The following CCDC7 variants were observed in gnomAD, a reference collection of about 807,000 sequenced individuals.
The protein encoded by CCDC7 is coiled-coil domain containing 7, also known as coiled-coil domain-containing protein 7.
In CCDC7, 183 loss-of-function variants were observed where a neutral mutation model predicts 196.9. The ratio of observed to expected loss-of-function variants is 0.93; its 90% CI spans 0.82 to 1.05. The LOEUF (loss-of-function observed/expected upper bound fraction) is 1.05, where lower values mean the gene tolerates loss of function less well. CCDC7 is among the 50% of genes least tolerant of loss of function. CCDC7 has a pLI of 0.00. For synonymous variants in CCDC7, 525 were observed against 484.6 expected (o/e 1.08, Z -1.10); for missense variants, 1,540 against 1,482.2 (o/e 1.04, Z -0.64).
At chr10:32,534,290 T>C (rs765044274) in intron 11 of CCDC7, among the ~76,000 whole-genome samples, 12 of 152,184 alleles carry the variant, frequency 7.9e-5, no homozygotes, top group Non-Finnish European at 1.6e-4. Flanking sequence ...ATTTATCTGG[T>C]ATATTTCTGA....
At chr10:32,611,748 C>T (rs2062165286) in intron 18 of CCDC7, among the ~76,000 whole-genome samples, 1 of 152,080 alleles carries the variant, frequency 6.6e-6, no homozygotes, top group Non-Finnish European at 1.5e-5. Flanking sequence ...GGCATTATTT[C>T]TGAGGCCTGT....
chr10:32,672,695 T>A (rs1342218367), intron 21 of CCDC7, among the ~76,000 whole-genome samples: 2 of 152,176 alleles, frequency 1.3e-5, no homozygotes, highest in African/African-American at 4.8e-5. Context: ...GCAGCATGGC[T>A]GATGCCCATA....
In CCDC7 at chr10:32,805,110, T is replaced by C; in HGVS notation, c.3097+12T>C. 6.4e-7 allele frequency: 1 copy of C among 1,554,356 alleles called. No homozygotes were observed. Among genetic ancestry groups the C allele is most frequent in the Non-Finnish European group, 8.9e-7 (1 of 1,127,242 alleles). On this transcript the variant is annotated intron_variant, in intron 30 of 41. Coordinates refer to ENST00000639629, the Ensembl canonical transcript of CCDC7. Reference sequence around the variant, plus strand: ...AAAGAGTTTCCCTGGTAAGAAAATATTTTTAAGTCTAATATTTCTCATTTA... The same window carrying C: ...AAAGAGTTTCCCTGGTAAGAAAATACTTTTAAGTCTAATATTTCTCATTTA...
chr10:32,726,734 T>C lies in CCDC7; in HGVS notation c.2570T>C (p.Ile857Thr), dbSNP rs1483559510. The change falls in exon 26 of 42, where the codon ATA becomes ACA. Residue 857 changes from isoleucine to threonine, a missense_variant and splice_region_variant. Transcript: ENST00000639629. Reference sequence around the variant, plus strand: ...TCTCTTTATGTGGTTCATTTTGTAGTACCAGATAAAAATTCTATGTTTGTT... The same window carrying C: ...TCTCTTTATGTGGTTCATTTTGTAGCACCAGATAAAAATTCTATGTTTGTT... 5 of 1,552,858 alleles carry C rather than the reference T, an allele frequency of 3.2e-6. No individual in the cohort carries two copies. In the East Asian group the frequency reaches 1.1e-4, roughly 35 times the overall value.
chr10:32,780,986 C>T (rs1250231944), intron 29 of CCDC7, among the ~76,000 whole-genome samples: 1 of 152,052 alleles, frequency 6.6e-6, no homozygotes, highest in Non-Finnish European at 1.5e-5. Context: ...GGGAACATTA[C>T]AACCAATTTT....
Position 32,480,621 on chromosome 10 carries a change from T to C in CCDC7, c.796+6598T>C, listed in dbSNP as rs78327112. On this transcript the variant is annotated intron_variant, in intron 8 of 41. Transcript: ENST00000639629. Reference sequence around the variant, plus strand: ...TCTTTTTGATTTTCTTTTTGACCCATTGCTCAGGAGTATGTTAGTTTCCAC... The same window carrying C: ...TCTTTTTGATTTTCTTTTTGACCCACTGCTCAGGAGTATGTTAGTTTCCAC... 5.7e-3 allele frequency among the ~76,000 whole-genome samples: 869 copies of C among 152,316 alleles called. 13 individuals carry two copies. Among genetic ancestry groups the C allele is most frequent in the African/African-American group, 0.02 (827 of 41,562 alleles).
intron 25 of CCDC7, among the ~76,000 whole-genome samples, chr10:32,723,015 TC>T (rs1239187163): frequency 1.3e-5 from 2 of 152,084 alleles, no homozygotes; most frequent in Non-Finnish European, 2.9e-5. Context: ...CCAGTTCACC[TC>T]CAGCTTCACT....
rs746134603 is a variant in CCDC7 at position 32,451,810 on chromosome 10, A to T, written c.168A>T (p.Pro56=). 1.4e-5 allele frequency: 22 copies of T among 1,614,082 alleles called. No homozygotes were observed. In the Admixed American group the frequency reaches 3.7e-4, roughly 27 times the overall value. ...TTGAACCAATGGTCCTAAGATCTCC[A>T]CCAACAGGAGAATCCATTTTACGGT... is the stretch of plus-strand genomic sequence containing the variant. The change falls in exon 1 of 42, where the codon CCA becomes CCT. Residue 56 remains proline, a synonymous_variant. Transcript: ENST00000639629.
intron 21 of CCDC7, among the ~76,000 whole-genome samples, chr10:32,675,436 T>C (rs901377762): frequency 8.5e-5 from 13 of 152,258 alleles, no homozygotes; most frequent in African/African-American, 2.9e-4. Context: ...TTTTAGGTTA[T>C]TGATGTCAAA....
chr10:32,474,305 C>A (rs1241588873), intron 8 of CCDC7, among the ~76,000 whole-genome samples: 1 of 142,506 alleles, frequency 7.0e-6, no homozygotes, highest in Non-Finnish European at 1.5e-5. Flanking sequence ...CTCACTGCAA[C>A]CTCTGCCTCC....
Position 32,817,186 on chromosome 10 carries a change from G to A in CCDC7, c.3181+2733G>A, listed in dbSNP as rs115096684. On this transcript the variant is annotated intron_variant, in intron 31 of 41. Coordinates refer to ENST00000639629, the Ensembl canonical transcript of CCDC7. ...AACCATGGCACGAGAAGTACGCGAC[G>A]TATGCACAAGCCTGAGTAGCCGATT... is the stretch of plus-strand genomic sequence containing the variant. Among the ~76,000 whole-genome samples, 846 of 152,286 alleles carry A rather than the reference G, an allele frequency of 5.6e-3. 6 individuals carry two copies. The highest frequency in any genetic ancestry group is 0.016 in the African/African-American group (660 of 41,554).
chr10:32,816,552 T>G (rs889267076), intron 31 of CCDC7, among the ~76,000 whole-genome samples: 12 of 152,250 alleles, frequency 7.9e-5, no homozygotes, highest in Non-Finnish European at 1.5e-4. Flanking sequence ...AGTGGGTTCC[T>G]GACCCTCGAG....
At chr10:32,858,790 G>C (rs2093859041) in intron 41 of CCDC7, among the ~76,000 whole-genome samples, 1 of 151,814 alleles carries the variant, frequency 6.6e-6, no homozygotes, top group South Asian at 2.1e-4. Flanking sequence ...TGATAAAACA[G>C]ACTTTAAACC....
intron 18 of CCDC7, among the ~76,000 whole-genome samples, chr10:32,612,125 G>T (rs1038663608): frequency 2.0e-5 from 3 of 152,126 alleles, no homozygotes; most frequent in African/African-American, 7.2e-5. Flanking sequence ...TCCTTGAAGA[G>T]GTCCGTCACA....
chr10:32,632,538 G>A (rs771385296), intron 18 of CCDC7, among the ~76,000 whole-genome samples: 28 of 151,524 alleles, frequency 1.8e-4, no homozygotes, highest in Non-Finnish European at 3.2e-4. Context: ...TAGAAGTTTT[G>A]TTGACTGAGG....
chr10:32,599,473 G>A (rs1381008006), intron 18 of CCDC7, among the ~76,000 whole-genome samples: 3 of 152,036 alleles, frequency 2.0e-5, no homozygotes, highest in Non-Finnish European at 2.9e-5. Context: ...TTTTCAGTAT[G>A]TTTTAAGCCA....
chr10:32,754,818 G>A (rs1355271041), intron 28 of CCDC7, among the ~76,000 whole-genome samples: 1 of 152,142 alleles, frequency 6.6e-6, no homozygotes, highest in Non-Finnish European at 1.5e-5. Flanking sequence ...GCAGGGCGGG[G>A]CACTGCCTCA....
At chr10:32,815,999 G>A (rs886699670) in intron 31 of CCDC7, among the ~76,000 whole-genome samples, 4 of 152,180 alleles carry the variant, frequency 2.6e-5, no homozygotes, top group African/African-American at 9.7e-5. Context: ...GCAGGACAGT[G>A]GGTGCAGTGC....
intron 9 of CCDC7, among the ~76,000 whole-genome samples, chr10:32,498,071 G>A (rs1353807765): frequency 6.6e-6 from 1 of 152,114 alleles, no homozygotes; most frequent in Non-Finnish European, 1.5e-5. Flanking sequence ...ATGAATCTGG[G>A]TGCTCCTGTA....
Sources: allele counts gnomAD v4.1 joint callset (sites outside exome capture counted in the v4.1 genomes callset), GRCh38; gene constraint gnomAD v4.1.1; transcripts MANE v1.5; gene names NCBI Gene and HGNC (gene_info 2026-07-23, HGNC 2026-07-21).